SEZ6L: variants seen among roughly 807,000 people sequenced by gnomAD.
The protein encoded by SEZ6L is seizure 6-like protein.
A neutral mutation model predicts 106.2 loss-of-function variants in SEZ6L; 37 were observed. That is an observed-to-expected ratio of 0.35 (90% CI 0.27 to 0.46). SEZ6L has a LOEUF of 0.46. SEZ6L is among the 20% of genes least tolerant of loss of function. SEZ6L has a pLI of 1.00. For missense variants in SEZ6L, 1,172 were observed against 1,332.8 expected (o/e 0.88, Z 1.88); for synonymous variants, 541 against 570.4 (o/e 0.95, Z 0.73).
intron 4 of SEZ6L, 127 bp from the exon 5 acceptor site, chr22:26,298,857 C>A: frequency 1.3e-6 from 1 of 751,278 alleles, no homozygotes. Context: ...TACCATTCTC[C>A]AGAGCTCTGG....
chr22:26,294,744 ACACAC>A, intron 3 of SEZ6L, among the ~76,000 whole-genome samples: 1 of 151,794 alleles, frequency 6.6e-6, no homozygotes, highest in Non-Finnish European at 1.5e-5. Flanking sequence ...ACACACACAC[ACACAC>A]ACACACACGG....
chr22:26,320,798 A>G (rs1249496976), intron 9 of SEZ6L, among the ~76,000 whole-genome samples: 1 of 152,194 alleles, frequency 6.6e-6, no homozygotes, highest in East Asian at 1.9e-4. Flanking sequence ...CCCAGGGGAC[A>G]CTTGCCAATG....
At chr22:26,331,889 A>T (rs2082490733) in intron 9 of SEZ6L, among the ~76,000 whole-genome samples, 1 of 152,114 alleles carries the variant, frequency 6.6e-6, no homozygotes, top group East Asian at 1.9e-4. Context: ...AGGCTGAGGC[A>T]GGAGAATGGC....
intron 9 of SEZ6L, among the ~76,000 whole-genome samples, chr22:26,315,158 G>A (rs1465111497): frequency 2.0e-5 from 3 of 152,292 alleles, no homozygotes; most frequent in South Asian, 2.1e-4. Context: ...ATTAGTGACC[G>A]GCTTTTGAGG....
chr22:26,222,674 C>T (rs1006918961), intron 1 of SEZ6L, among the ~76,000 whole-genome samples: 5 of 152,086 alleles, frequency 3.3e-5, no homozygotes, highest in East Asian at 3.8e-4. Context: ...AGGGAAAAAC[C>T]GGGGGGAACG....
intron 1 of SEZ6L, among the ~76,000 whole-genome samples, chr22:26,267,455 A>G (rs2145832055): frequency 6.6e-6 from 1 of 152,326 alleles, no homozygotes; most frequent in African/African-American, 2.4e-5. Flanking sequence ...TGCTAGGCTA[A>G]AGATCTTGTG....
intron 15 of SEZ6L, among the ~76,000 whole-genome samples, chr22:26,376,206 G>GA (rs35615266): frequency 0.53 from 79,711 of 149,100 alleles, 21,812 homozygotes; most frequent in East Asian, 0.91. Context: ...ATCATTTGTG[G>GA]AAAAAAAAAA....
chr22:26,313,755 CT>C lies in SEZ6L; in HGVS notation c.1877-5del, dbSNP rs776442508. The C allele has an allele frequency of 1.3e-6, 2 of 1,599,860 alleles. No homozygotes were observed. Among genetic ancestry groups the C allele is most frequent in the Non-Finnish European group, 8.6e-7 (1 of 1,167,976 alleles). On this transcript the variant is annotated splice_polypyrimidine_tract_variant and splice_region_variant and intron_variant, in intron 8 of 16. Coordinates refer to ENST00000248933, the MANE Select transcript of SEZ6L (RefSeq NM_021115.5). ...AAAGTCCGTCTTCTTGCCTGTCTGTCTTTTACAGCCATGTGTGGTGGGGAGC... is the reference window on the plus strand; with the variant it reads ...AAAGTCCGTCTTCTTGCCTGTCTGTCTTTACAGCCATGTGTGGTGGGGAGC...
At chr22:26,351,326 T>C (rs1777787311) in intron 12 of SEZ6L, 83 bp downstream of exon 12, 1 of 1,322,322 alleles carries the variant, frequency 7.6e-7, no homozygotes, top group Non-Finnish European at 1.1e-6. Flanking sequence ...GCTGGGCTGC[T>C]AGGAGGCCTT....
At chr22:26,268,240 C>CT (rs2080251148) in intron 1 of SEZ6L, among the ~76,000 whole-genome samples, 1 of 152,202 alleles carries the variant, frequency 6.6e-6, no homozygotes, top group Non-Finnish European at 1.5e-5. Context: ...CCTGGGCCAG[C>CT]TTCTCAGATC....
At chr22:26,207,616 T>C (rs1941340061) in intron 1 of SEZ6L, among the ~76,000 whole-genome samples, 1 of 152,232 alleles carries the variant, frequency 6.6e-6, no homozygotes, top group African/African-American at 2.4e-5. Flanking sequence ...TCCTTTCCAG[T>C]CTTTTTTCAA....
intron 5 of SEZ6L, among the ~76,000 whole-genome samples, chr22:26,304,427 A>G (rs1171628572): frequency 1.3e-5 from 2 of 151,446 alleles, no homozygotes; most frequent in Admixed American, 6.6e-5. Flanking sequence ...AAAGAAAGAA[A>G]GAAAAAGAAA....
rs1235826983 is a variant in SEZ6L, at chr22:26,371,895, G to C, written c.2795-1556G>C. Among the ~76,000 whole-genome samples the C allele has an allele frequency of 2.6e-5, 4 of 152,130 alleles. No individual in the cohort carries two copies. The East Asian group carries it at 7.7e-4, about 29-fold the overall frequency. ...TGAGATCCGTCCCACCACCAACTCT[G>C]TAAGGAAATGAGAAATCACTTCCTC... On this transcript the variant is annotated intron_variant, in intron 13 of 16. Coordinates refer to ENST00000248933, the MANE Select transcript of SEZ6L (RefSeq NM_021115.5).
chr22:26,363,019 GT>G (rs2083685192), intron 12 of SEZ6L, among the ~76,000 whole-genome samples: 2 of 152,210 alleles, frequency 1.3e-5, no homozygotes. Context: ...GGCCAGGCAA[GT>G]ACCACGTGAA....
chr22:26,196,163 T>C (rs1569369218), intron 1 of SEZ6L, among the ~76,000 whole-genome samples: 1 of 152,186 alleles, frequency 6.6e-6, no homozygotes, highest in South Asian at 2.1e-4. Context: ...TGAGTTCTCA[T>C]GATATCTGGT....
intron 1 of SEZ6L, among the ~76,000 whole-genome samples, chr22:26,240,999 G>A (rs189023624): frequency 4.6e-5 from 7 of 152,328 alleles, no homozygotes; most frequent in East Asian, 3.9e-4. Flanking sequence ...GACAGTAGGC[G>A]TCCATGCACC....
intron 1 of SEZ6L, among the ~76,000 whole-genome samples, chr22:26,257,387 A>G (rs533053431): frequency 6.6e-6 from 1 of 152,310 alleles, no homozygotes; most frequent in South Asian, 2.1e-4. Flanking sequence ...CAGGAGAGAA[A>G]ACAAGCCGCA....
Position 26,251,338 on chromosome 22 carries a change from GTTTTTT to G in SEZ6L, c.95-41057_95-41052del, listed in dbSNP as rs5844679. On this transcript the variant is annotated intron_variant, in intron 1 of 16. Transcript: ENST00000248933. ...TCCTTTTATTCCTAATTTGTTGAAAGTTTTTTTTTTTTTTTTATCATGAATGGATGT... is the reference window on the plus strand; with the variant it reads ...TCCTTTTATTCCTAATTTGTTGAAAGTTTTTTTTTTATCATGAATGGATGT... 3.8e-3 allele frequency among the ~76,000 whole-genome samples: 560 copies of G among 149,316 alleles called. 5 individuals carry two copies. Among genetic ancestry groups the G allele is most frequent in the South Asian group, 0.026 (122 of 4,750 alleles).
chr22:26,221,956 T>A (rs1176065068), intron 1 of SEZ6L, among the ~76,000 whole-genome samples: 2 of 152,146 alleles, frequency 1.3e-5, no homozygotes, highest in African/African-American at 4.8e-5. Flanking sequence ...GAAAAGGCAA[T>A]CTGTGTGCAT....
Sources: allele counts gnomAD v4.1 joint callset (sites outside exome capture counted in the v4.1 genomes callset), GRCh38; gene constraint gnomAD v4.1.1; transcripts MANE v1.5; gene names NCBI Gene and HGNC (gene_info 2026-07-23, HGNC 2026-07-21).